ATG9A: variants seen among roughly 807,000 people sequenced by gnomAD.
ATG9A encodes the protein autophagy related 9A, also known as autophagy-related protein 9A.
In ATG9A, 21 loss-of-function variants were observed where a neutral mutation model predicts 87.1. The observed-to-expected ratio is 0.24, with a 90% CI of 0.17 to 0.35. The LOEUF (loss-of-function observed/expected upper bound fraction) is 0.35, where lower values mean the gene tolerates loss of function less well. Among genes scored for constraint, ATG9A ranks in the 10% least tolerant of loss-of-function variants. The probability of loss-of-function intolerance (pLI) is 1.00; values close to 1 mark genes in which losing one functional copy is unlikely to be tolerated. For synonymous variants in ATG9A, 422 were observed against 441.3 expected, an observed-to-expected ratio of 0.96 and a Z score of 0.55; for missense variants, 836 against 1,107.3, an observed-to-expected ratio of 0.76 and a Z score of 3.48.
Position 219,221,288 on chromosome 2 carries a change from C to A in ATG9A, c.2160G>T (p.Gln720His). The A allele has an allele frequency of 1.3e-6, 2 of 1,560,204 alleles. No individual in the cohort carries two copies. Among genetic ancestry groups the A allele is most frequent in the Non-Finnish European group, 1.7e-6 (2 of 1,154,472 alleles). ...CATGCCGCTCAGGTTCAGCCTGGGC[C>A]TGCTGCTTGTGGAGCTGGAGAAATG... ...ALYMHQLHKQQAQAEPERHVW... is the reference protein window; with the variant it reads ...ALYMHQLHKQHAQAEPERHVW... Residue 720 changes from glutamine (Q) to histidine (H), a missense_variant, in exon 14 of 16, where the codon CAG (glutamine) becomes CAT (histidine). Transcript: ENST00000361242.
intron 2 of ATG9A, 64 bp from the exon 3 acceptor site, chr2:219,228,117 C>T: frequency 8.7e-7 from 1 of 1,143,570 alleles, no homozygotes; most frequent in Non-Finnish European, 1.3e-6. Context: ...GGCTGCCCTG[C>T]CTACTGCCAA....
In ATG9A at chr2:219,220,266, T is replaced by C. The variant is rs1300717459; in HGVS notation, c.*181A>G. On this transcript the variant is annotated 3_prime_UTR_variant, in exon 16 of 16. Coordinates refer to ENST00000361242, the MANE Select transcript of ATG9A (RefSeq NM_001077198.3). ...GTGCCCTCGGTTCCTAGGCCCCAAA[T>C]TCCTCTCCTGGGGCTGTGGCAAGCC... is the stretch of plus-strand genomic sequence containing the variant. The C allele has an allele frequency of 1.3e-6, 1 of 742,664 alleles. No individual in the cohort carries two copies. The highest frequency in any genetic ancestry group is 2.1e-6 in the Non-Finnish European group (1 of 465,834). The allele number at this position is 742,664 out of a possible 1,614,324, so 46.0% of individuals were successfully genotyped here.
Position 219,222,994 on chromosome 2 carries a change from C to T in ATG9A, c.1600-101G>A. 6.8e-7 allele frequency: 1 copy of T among 1,466,234 alleles called. No individual in the cohort carries two copies. The highest frequency in any genetic ancestry group is 9.2e-7 in the Non-Finnish European group (1 of 1,084,936). 90.8% of individuals were successfully genotyped at this position (1,466,234 alleles called of 1,614,324 possible). ...GGCCTTACCCTTGGAGAACGGAGAC[C>T]ACAGTATACTGTCAATCTTTCCCAG... On this transcript the variant is annotated intron_variant, in intron 10 of 15. Coordinates refer to ENST00000361242, the MANE Select transcript of ATG9A (RefSeq NM_001077198.3). This position sits in a 1 kb window ranked among gnomAD's most constrained non-coding sequence, Gnocchi z 4.3.
Position 219,225,469 on chromosome 2 carries a change from C to T in ATG9A, c.316G>A (p.Glu106Lys), listed in dbSNP as rs1178821487. 1 of 1,614,066 alleles carries T rather than the reference C, an allele frequency of 6.2e-7. No individual in the cohort carries two copies. The highest frequency in any genetic ancestry group is 8.5e-7 in the Non-Finnish European group (1 of 1,180,036). The change falls in exon 6 of 16, where the codon GAA becomes AAA. Residue 106 changes from glutamate to lysine, a missense_variant. By Grantham distance (56) the Glu-to-Lys change is moderately conservative. This residue lies in a region of ATG9A where 512 missense variants were observed against 759.6 expected (regional missense o/e 0.67). Coordinates refer to ENST00000361242, the MANE Select transcript of ATG9A (RefSeq NM_001077198.3). ...TCTGGCAGAGTGACCTTGACGGGTT[C>T]AGTAGGGTGAAGACTGTGGTTCACC... ...KMVNHSLHPT[E>K]PVKVTLPDAF... is the part of the protein sequence containing the mutation.
At chr2:219,228,209 T>C (rs1006918599) in intron 2 of ATG9A, 156 bp from the exon 3 acceptor site, 11 of 587,394 alleles carry the variant, frequency 1.9e-5, no homozygotes, top group Non-Finnish European at 3.3e-5. Context: ...AGAAAGGCAG[T>C]AAGCTCAGGG....
rs911888306 is a variant in ATG9A at position 219,224,577 on chromosome 2, T to C, written c.794A>G (p.Asn265Ser). ...GTACTCGGCCTTGAGGCTCCATTCA[T>C]TGAGAAACAGAGAGCCAGGTCCCCA... ...LFWGPGSLFL[N>S]EWSLKAEYKR... is the part of the protein sequence containing the mutation. The change falls in exon 8 of 16, where the codon AAT (asparagine) becomes AGT (serine). Residue 265 changes from asparagine (N) to serine (S), a missense_variant. By Grantham distance (46) the Asn-to-Ser change is conservative. Around this residue, in one of 2 missense-constraint regions of ATG9A, gnomAD observed 512 missense variants for 759.6 expected, o/e 0.67. Transcript: ENST00000361242. The surrounding 1 kb of genome is among the most constrained non-coding windows in gnomAD (Gnocchi z 7.7). 3 of 1,614,120 alleles carry C rather than the reference T, an allele frequency of 1.9e-6. No individual in the cohort carries two copies. Among genetic ancestry groups the C allele is most frequent in the African/African-American group, 2.7e-5 (2 of 75,040 alleles).
Position 219,220,788 on chromosome 2 carries a change from C to G in ATG9A, c.2473G>C (p.Glu825Gln), listed in dbSNP as rs529749529. 1 of 1,613,496 alleles carries G rather than the reference C, an allele frequency of 6.2e-7. No homozygotes were observed. The highest frequency in any genetic ancestry group is 8.5e-7 in the Non-Finnish European group (1 of 1,179,984). Residue 825 changes from glutamate to glutamine, a missense_variant, in exon 15 of 16, where the codon GAA becomes CAA. By Grantham distance (29) the Glu-to-Gln change is conservative (BLOSUM62 2). This residue lies in a region of ATG9A where 324 missense variants were observed against 347.6 expected (regional missense o/e 0.93). Transcript: ENST00000361242. ...SASRHPEPVP[E>Q]EGSEDELPPQ... ...GGTAGCTCATCCTCCGAGCCCTCTTCGGGCACGGGCTCAGGGTGCCTTGAT... is the reference window on the plus strand; with the variant it reads ...GGTAGCTCATCCTCCGAGCCCTCTTGGGGCACGGGCTCAGGGTGCCTTGAT...
At chr2:219,227,042 G>A in intron 4 of ATG9A, 109 bp from the exon 5 acceptor site, 1 of 909,554 alleles carries the variant, frequency 1.1e-6, no homozygotes, top group Non-Finnish European at 1.8e-6. Context: ...CTAGCTGTGT[G>A]ACTTTACCAA....
Position 219,223,087 on chromosome 2 carries a change from C to CTTT in ATG9A, c.1600-197_1600-195dup. ...GCTGAGCCAGTTACTTGTGTTGTGC[C>CTTT]TTTTTTTTTTTTTTTTTTGAGATGG... On this transcript the variant is annotated intron_variant, in intron 10 of 15. Transcript: ENST00000361242. The surrounding 1 kb of genome is among the most constrained non-coding windows in gnomAD (Gnocchi z 4.7). Among the ~76,000 whole-genome samples, 1 of 134,868 alleles carries CTTT rather than the reference C, an allele frequency of 7.4e-6. No homozygotes were observed. Among genetic ancestry groups the CTTT allele is most frequent in the Non-Finnish European group, 1.6e-5 (1 of 63,106 alleles). The allele number at this position is 134,868 out of a possible 152,430, so 88.5% of individuals were successfully genotyped here. A position where few individuals can be genotyped will look rare whatever the true frequency, so the allele number is the denominator to read the frequency against.
Position 219,222,703 on chromosome 2 carries a change from C to G in ATG9A, c.1790G>C (p.Gly597Ala), listed in dbSNP as rs777924428. 6.2e-6 allele frequency: 10 copies of G among 1,614,084 alleles called. No homozygotes were observed. In the South Asian group the frequency reaches 1.1e-4, roughly 18 times the overall value. ...AAAGAGGGCATTTTCAGGGAGCAGA[C>G]CCCCTTGGGCGAGGCTAGCAGCTGC... ...DGAAASLAQG[G>A]LLPENALFTS... The change falls in exon 11 of 16, where the codon GGT (glycine) becomes GCT (alanine). Residue 597 changes from glycine to alanine, a missense_variant. Physicochemically the swap from Gly to Ala is moderately conservative, Grantham distance 60. Transcript: ENST00000361242. The surrounding 1 kb of genome is among the most constrained non-coding windows in gnomAD (Gnocchi z 4.3).
chr2:219,222,472 A>G lies in ATG9A; in HGVS notation c.1849-22T>C, dbSNP rs1348745387. On this transcript the variant is annotated intron_variant, in intron 11 of 15. Coordinates refer to ENST00000361242, the MANE Select transcript of ATG9A (RefSeq NM_001077198.3). This position sits in a 1 kb window ranked among gnomAD's most constrained non-coding sequence, Gnocchi z 4.3. ...GGGGCTATGAACGAAACGGGTAGGT[A>G]GAATTCTTGAGGCAAGAGAAAGGTC... 7.1e-6 allele frequency: 11 copies of G among 1,544,308 alleles called. No individual in the cohort carries two copies. The highest frequency in any genetic ancestry group is 8.7e-7 in the Non-Finnish European group (1 of 1,147,132).
At position 219,225,422 on chromosome 2, in the gene ATG9A, G is replaced by A. The variant is rs1950841582; in HGVS notation, c.363C>T (p.Val121=). 1.2e-6 allele frequency: 2 copies of A among 1,614,176 alleles called. No homozygotes were observed. The highest frequency in any genetic ancestry group is 1.7e-6 in the Non-Finnish European group (2 of 1,180,002). ...TLPDAFLPAQ[V]CSARIQENGS... The stretch of plus-strand genomic sequence containing the variant: ...CTTGCAGCCCTTACCTGGCACTACA[G>A]ACTTGAGCAGGCAAAAAGGCGTCTG... The change falls in exon 6 of 16, where the codon GTC becomes GTT. Residue 121 remains valine, a synonymous_variant. Coordinates refer to ENST00000361242, the MANE Select transcript of ATG9A (RefSeq NM_001077198.3).
rs764927279 is a variant in ATG9A, at chr2:219,222,338, G to A, written c.1961C>T (p.Ser654Phe). The stretch of plus-strand genomic sequence containing the variant: ...CTGCCCGGGTTGCAGCGGGGAGAAG[G>A]AGCGCAGGGCAGAGGCGACTTCAGC... ...HRAEVASALR[S>F]FSPLQPGQAP... Residue 654 changes from serine (S) to phenylalanine (F), a missense_variant, in exon 12 of 16, where the codon TCC (serine) becomes TTC (phenylalanine). Coordinates refer to ENST00000361242, the MANE Select transcript of ATG9A (RefSeq NM_001077198.3). This position sits in a 1 kb window ranked among gnomAD's most constrained non-coding sequence, Gnocchi z 4.3. The A allele has an allele frequency of 1.2e-6, 2 of 1,613,176 alleles. No individual in the cohort carries two copies. The highest frequency in any genetic ancestry group is 1.7e-6 in the Non-Finnish European group (2 of 1,180,012).
rs1471124784 is a variant in ATG9A at position 219,229,031 on chromosome 2, G to A, written c.-82+504C>T. Reference sequence around the variant, plus strand: ...TCACCTGTCCGTGCAGCCCCTGGGGGCCGTGGATCTTGGCCCAGCCTGGCC... The same window carrying A: ...TCACCTGTCCGTGCAGCCCCTGGGGACCGTGGATCTTGGCCCAGCCTGGCC... On this transcript the variant is annotated intron_variant, in intron 1 of 15. Coordinates refer to ENST00000361242, the MANE Select transcript of ATG9A (RefSeq NM_001077198.3). This position sits in a 1 kb window ranked among gnomAD's most constrained non-coding sequence, Gnocchi z 4.2. The A allele has an allele frequency of 6.6e-6, 1 of 152,276 alleles. No individual in the cohort carries two copies. The highest frequency in any genetic ancestry group is 6.5e-5 in the Admixed American group (1 of 15,286). 9.4% of individuals were successfully genotyped at this position (152,276 alleles called of 1,614,324 possible).
At position 219,224,708 on chromosome 2, in the gene ATG9A, T is replaced by C. The variant is rs770425071; in HGVS notation, c.663A>G (p.Ala221=). Residue 221 remains alanine, a synonymous_variant, in exon 8 of 16, where the codon GCA becomes GCG. Coordinates refer to ENST00000361242, the MANE Select transcript of ATG9A (RefSeq NM_001077198.3). The surrounding 1 kb of genome is among the most constrained non-coding windows in gnomAD (Gnocchi z 7.7). ...GAGGCAGGAGGGATTTGTTAACCAGTGCCACCATGTAGTTCTGGAAACGGA... is the reference window on the plus strand; with the variant it reads ...GAGGCAGGAGGGATTTGTTAACCAGCGCCACCATGTAGTTCTGGAAACGGA... ...RILRFQNYMV[A]LVNKSLLPLR... 6 of 1,614,214 alleles carry C rather than the reference T, an allele frequency of 3.7e-6. No homozygotes were observed. The highest frequency in any genetic ancestry group is 5.1e-6 in the Non-Finnish European group (6 of 1,180,036).
At chr2:219,226,045 ATC>A (rs1236651086) in intron 5 of ATG9A, among the ~76,000 whole-genome samples, 2 of 152,216 alleles carry the variant, frequency 1.3e-5, no homozygotes, top group East Asian at 1.9e-4. Flanking sequence ...TGTGGCTGGC[ATC>A]TCTGAGACCT....
Position 219,224,095 on chromosome 2 carries a change from C to T in ATG9A, c.1265+11G>A, listed in dbSNP as rs754274617. The T allele has an allele frequency of 6.2e-7, 1 of 1,610,842 alleles. No homozygotes were observed. Among genetic ancestry groups the T allele is most frequent in the Admixed American group, 1.7e-5 (1 of 59,892 alleles). ...CTAGCCGGCTTGCTCCCGCCTGTGGCCCTGGCCCACCTGCACACGGTCACG... is the reference window on the plus strand; with the variant it reads ...CTAGCCGGCTTGCTCCCGCCTGTGGTCCTGGCCCACCTGCACACGGTCACG... On this transcript the variant is annotated intron_variant, in intron 8 of 15. Coordinates refer to ENST00000361242, the MANE Select transcript of ATG9A (RefSeq NM_001077198.3). This position sits in a 1 kb window ranked among gnomAD's most constrained non-coding sequence, Gnocchi z 7.7.
rs34309756 is a variant in ATG9A, at chr2:219,223,087, CTT to C, written c.1600-196_1600-195del. Among the ~76,000 whole-genome samples, 23 of 134,808 alleles carry C rather than the reference CTT, an allele frequency of 1.7e-4. No homozygotes were observed. The highest frequency in any genetic ancestry group is 3.8e-3 in the Middle Eastern group (1 of 262). The allele number at this position is 134,808 out of a possible 152,430, so 88.4% of individuals were successfully genotyped here. ...GCTGAGCCAGTTACTTGTGTTGTGCCTTTTTTTTTTTTTTTTTTGAGATGGAG... is the reference window on the plus strand; with the variant it reads ...GCTGAGCCAGTTACTTGTGTTGTGCCTTTTTTTTTTTTTTTTGAGATGGAG... On this transcript the variant is annotated intron_variant, in intron 10 of 15. Transcript: ENST00000361242. This position sits in a 1 kb window ranked among gnomAD's most constrained non-coding sequence, Gnocchi z 4.7.
Position 219,224,075 on chromosome 2 carries a change from C to A in ATG9A, c.1265+31G>T, listed in dbSNP as rs201871476. 2 of 1,607,154 alleles carry A rather than the reference C, an allele frequency of 1.2e-6. No homozygotes were observed. The highest frequency in any genetic ancestry group is 1.7e-6 in the Non-Finnish European group (2 of 1,175,490). ...GTATGCCTTTCCCAGGAATGCTAGCCGGCTTGCTCCCGCCTGTGGCCCTGG... is the reference window on the plus strand; with the variant it reads ...GTATGCCTTTCCCAGGAATGCTAGCAGGCTTGCTCCCGCCTGTGGCCCTGG... On this transcript the variant is annotated intron_variant, in intron 8 of 15. Transcript: ENST00000361242. The surrounding 1 kb of genome is among the most constrained non-coding windows in gnomAD (Gnocchi z 7.7).
Sources: gnomAD v4.1 joint callset for allele counts (sites outside exome capture counted in the v4.1 genomes callset) on GRCh38, gnomAD v4.1.1 for gene constraint, gnomAD v4.1.1 regional missense constraint, Gnocchi (gnomAD v3.1) non-coding constraint, MANE v1.5 for transcripts, NCBI Gene and HGNC (gene_info 2026-07-23, HGNC 2026-07-21) for gene names.